Variants in TMEM217B observed in about 807,000 individuals in gnomAD.
TMEM217B encodes the protein putative transmembrane protein 217B.
the TMEM217B span, among the ~76,000 whole-genome samples, chr6:37,216,367 C>T: frequency 1.9e-4 from 29 of 152,298 alleles, no homozygotes; most frequent in African/African-American, 6.3e-4. Flanking sequence ...ACGTGAGCCC[C>T]TGCGCCTGGC....
the TMEM217B span, among the ~76,000 whole-genome samples, chr6:37,244,926 G>C: frequency 6.6e-6 from 1 of 152,154 alleles, no homozygotes; most frequent in Non-Finnish European, 1.5e-5. Flanking sequence ...GCCTCAGCTG[G>C]GATAACTTAG....
chr6:37,246,894 C>A, the TMEM217B span, among the ~76,000 whole-genome samples: 1 of 101,828 alleles, frequency 9.8e-6, no homozygotes, highest in South Asian at 4.3e-4. Flanking sequence ...CAGAGCAAGA[C>A]TCTGTCTCAA....
the TMEM217B span, among the ~76,000 whole-genome samples, chr6:37,222,480 C>A: frequency 6.6e-6 from 1 of 152,200 alleles, no homozygotes; most frequent in Admixed American, 6.5e-5. Context: ...GCTGCAGAGA[C>A]GCCCGGGTCC....
chr6:37,251,362 A>G, the TMEM217B span, among the ~76,000 whole-genome samples: 2 of 133,650 alleles, frequency 1.5e-5, no homozygotes, highest in Non-Finnish European at 3.3e-5. Flanking sequence ...TTGAGAAACT[A>G]TAATTTGAAA....
the TMEM217B span, among the ~76,000 whole-genome samples, chr6:37,214,946 A>G: frequency 6.6e-6 from 1 of 152,002 alleles, no homozygotes; most frequent in Non-Finnish European, 1.5e-5. Flanking sequence ...AGCAGCCACT[A>G]CCCATGGGGT....
the TMEM217B span, among the ~76,000 whole-genome samples, chr6:37,217,257 G>T: frequency 3.9e-5 from 6 of 152,342 alleles, no homozygotes; most frequent in South Asian, 1.2e-3. Context: ...TCGCACCATT[G>T]CACTCTGGCC....
the TMEM217B span, among the ~76,000 whole-genome samples, chr6:37,229,344 T>TTTTTTTTG: frequency 7.8e-6 from 1 of 127,730 alleles, no homozygotes; most frequent in Non-Finnish European, 1.7e-5. Context: ...AGTTTTTTTT[T>TTTTTTTTG]TTTTTTTTTT....
At chr6:37,220,286 C>T in the TMEM217B span, among the ~76,000 whole-genome samples, 1 of 152,160 alleles carries the variant, frequency 6.6e-6, no homozygotes, top group South Asian at 2.1e-4. Context: ...AGTTATTTGC[C>T]AATCTAGGCA....
chr6:37,233,563 C>T, the TMEM217B span, among the ~76,000 whole-genome samples: 4 of 152,272 alleles, frequency 2.6e-5, no homozygotes, highest in East Asian at 3.9e-4. Flanking sequence ...ACAAAGTTGG[C>T]GCCCTCATGA....
chr6:37,252,644 T>A, the TMEM217B span, among the ~76,000 whole-genome samples: 1,495 of 94,246 alleles, frequency 0.016, 17 homozygotes, highest in African/African-American at 0.081. Flanking sequence ...TATATTTTTT[T>A]TTTTTTTTTT....
At chr6:37,223,698 G>C in the TMEM217B span, among the ~76,000 whole-genome samples, 10 of 152,088 alleles carry the variant, frequency 6.6e-5, no homozygotes, top group South Asian at 1.5e-3. Context: ...TAGTAGAGAC[G>C]GGGTTTCACC....
the TMEM217B span, among the ~76,000 whole-genome samples, chr6:37,234,842 A>G: frequency 3.9e-5 from 6 of 152,348 alleles, no homozygotes; most frequent in South Asian, 1.2e-3. Context: ...TGTGAAAAGT[A>G]TGAATAGGGA....
chr6:37,218,206 G>C, the TMEM217B span: 1 of 1,249,192 alleles, frequency 8.0e-7, no homozygotes, highest in Non-Finnish European at 1.0e-6. Context: ...GTCTTACTCT[G>C]TCACTCAGGC....
At chr6:37,251,932 T>C in the TMEM217B span, among the ~76,000 whole-genome samples, 1 of 152,346 alleles carries the variant, frequency 6.6e-6, no homozygotes, top group Non-Finnish European at 1.5e-5. Flanking sequence ...TCACTCTTGT[T>C]GCCCAGGCTG....
the TMEM217B span, chr6:37,212,899 A>G: frequency 1.5e-5 from 23 of 1,542,092 alleles, no homozygotes; most frequent in Non-Finnish European, 2.0e-5. Flanking sequence ...GTTCAGGTCA[A>G]AGATGAAGAA....
chr6:37,240,851 C>T, the TMEM217B span, among the ~76,000 whole-genome samples: 9 of 152,140 alleles, frequency 5.9e-5, no homozygotes, highest in Non-Finnish European at 1.3e-4. Flanking sequence ...CACACATTTG[C>T]TATCATTTGG....
the TMEM217B span, among the ~76,000 whole-genome samples, chr6:37,221,920 C>T: frequency 1.3e-5 from 2 of 152,204 alleles, no homozygotes; most frequent in African/African-American, 4.8e-5. Flanking sequence ...CTCCTCTATG[C>T]AGCTGATAGT....
chr6:37,253,703 C>T, the TMEM217B span, among the ~76,000 whole-genome samples: 1 of 152,194 alleles, frequency 6.6e-6, no homozygotes, highest in Non-Finnish European at 1.5e-5. Context: ...CACTCCTTCA[C>T]TAAGGTTAAA....
chr6:37,252,246 T>C, the TMEM217B span, among the ~76,000 whole-genome samples: 22 of 152,322 alleles, frequency 1.4e-4, no homozygotes, highest in South Asian at 8.3e-4. Context: ...TAATATTCCA[T>C]GACATGTAAC....
Sources: allele counts gnomAD v4.1 joint callset (sites outside exome capture counted in the v4.1 genomes callset), GRCh38; gene constraint gnomAD v4.1.1; transcripts MANE v1.5; gene names NCBI Gene and HGNC (gene_info 2026-07-23, HGNC 2026-07-21).